SCP2: variants seen among roughly 807,000 people sequenced by gnomAD.
The protein encoded by SCP2 is sterol carrier protein 2.
In SCP2, 48 loss-of-function variants were observed where a neutral mutation model predicts 71.4. That is an observed-to-expected ratio of 0.67 (90% confidence interval 0.53 to 0.86). The LOEUF is 0.86. Among genes scored for constraint, SCP2 ranks in the 40% least tolerant of loss-of-function variants. SCP2 has a pLI of 0.00. For synonymous variants in SCP2, 220 were observed against 218.1 expected (o/e 1.01, Z -0.08); for missense variants, 560 against 655.6 (o/e 0.85, Z 1.59).
In SCP2 at chr1:52,948,804, T is replaced by A. The variant is rs146368935; in HGVS notation, c.199+724T>A. 1.6e-3 allele frequency among the ~76,000 whole-genome samples: 240 copies of A among 152,276 alleles called. 1 individual carries two copies. Among genetic ancestry groups the A allele is most frequent in the African/African-American group, 5.6e-3 (234 of 41,574 alleles). On this transcript the variant is annotated intron_variant, in intron 3 of 15. Transcript: ENST00000371514. ...AAAATAAGATGATTTATGTATATAT[T>A]GTATAATAATTGCCACAATCCAGTT...
intron 9 of SCP2, 75 bp from the exon 10 acceptor site, chr1:52,980,321 C>T: frequency 7.4e-7 from 1 of 1,353,244 alleles, no homozygotes; most frequent in Non-Finnish European, 1.0e-6. Context: ...GGTTATGCAT[C>T]TATTAATCTC....
At chr1:52,940,924 A>G (rs1239997295) in intron 1 of SCP2, among the ~76,000 whole-genome samples, 12 of 152,128 alleles carry the variant, frequency 7.9e-5, no homozygotes, top group Admixed American at 2.0e-4. Context: ...TAATTTTTGT[A>G]TTTTTAGTAG....
Position 53,038,914 on chromosome 1 carries a change from C to T in SCP2, c.1339-3C>T, listed in dbSNP as rs767419808. 2 of 1,613,650 alleles carry T rather than the reference C, an allele frequency of 1.2e-6. No homozygotes were observed. Among genetic ancestry groups the T allele is most frequent in the African/African-American group, 2.7e-5 (2 of 74,854 alleles). On this transcript the variant is annotated splice_region_variant and splice_polypyrimidine_tract_variant and intron_variant, in intron 13 of 15. Transcript: ENST00000371514. Reference sequence around the variant, plus strand: ...GTAACCCCAGTGTTATTTTTCTTTCCAGGAAGGGGAACAGTTTGTGAAGAA... The same window carrying T: ...GTAACCCCAGTGTTATTTTTCTTTCTAGGAAGGGGAACAGTTTGTGAAGAA...
At chr1:52,968,755 G>A (rs1358353806) in intron 6 of SCP2, among the ~76,000 whole-genome samples, 4 of 152,114 alleles carry the variant, frequency 2.6e-5, no homozygotes, top group Non-Finnish European at 5.9e-5. Flanking sequence ...TTGAACAACA[G>A]GGGGTTTAGT....
intron 13 of SCP2, among the ~76,000 whole-genome samples, chr1:53,036,478 C>T (rs1400290081): frequency 4.7e-5 from 7 of 149,562 alleles, no homozygotes; most frequent in Middle Eastern, 7.2e-3. Flanking sequence ...GGTTTGAATT[C>T]TTGCTCTTCC....
At chr1:52,995,271 C>T in intron 11 of SCP2, 1 of 488,390 alleles carries the variant, frequency 2.0e-6, no homozygotes, top group Admixed American at 2.3e-5. Context: ...ACAACATCAC[C>T]CTCTCCATCC....
intron 13 of SCP2, among the ~76,000 whole-genome samples, chr1:53,028,534 A>AT (rs1429228956): frequency 6.6e-6 from 1 of 151,776 alleles, no homozygotes; most frequent in African/African-American, 2.4e-5. Context: ...TAGTTAAAAA[A>AT]TTTTTTTGTT....
At chr1:53,035,429 G>C (rs1246337082) in intron 13 of SCP2, among the ~76,000 whole-genome samples, 1 of 152,114 alleles carries the variant, frequency 6.6e-6, no homozygotes, top group Admixed American at 6.5e-5. Flanking sequence ...GGACATTAAA[G>C]AAAAGGTGAA....
chr1:52,995,532 A>T (rs965965993), intron 11 of SCP2: 14 of 443,780 alleles, frequency 3.2e-5, no homozygotes, highest in Admixed American at 8.3e-5. Context: ...TTGCCCTCTC[A>T]CCAGCTGTGG....
rs1315312738 is a variant in SCP2 at position 53,028,032 on chromosome 1, A to C, written c.1299A>C (p.Ala433=). ...PTSSASDGFK[A]NLVFKEIEKK... is the part of the protein sequence containing the mutation. ...GCTCTGCAAGTGATGGATTTAAGGC[A>C]AATCTTGTTTTTAAGGAGATTGAGA... is the stretch of plus-strand genomic sequence containing the variant. The change falls in exon 13 of 16, where the codon GCA becomes GCC. Residue 433 remains alanine, a synonymous_variant. Coordinates refer to ENST00000371514, the MANE Select transcript of SCP2 (RefSeq NM_002979.5). The C allele has an allele frequency of 1.2e-6, 2 of 1,610,928 alleles. No individual in the cohort carries two copies. The highest frequency in any genetic ancestry group is 2.7e-5 in the African/African-American group (2 of 74,866).
intron 6 of SCP2, among the ~76,000 whole-genome samples, chr1:52,969,819 TCAAACAAA>T (rs75238032): frequency 2.7e-4 from 40 of 150,156 alleles, no homozygotes; most frequent in African/African-American, 8.1e-4. Context: ...AGACTCCATC[TCAAACAAA>T]CAAACAAACA....
At chr1:53,037,923 CACACACAGAT>C (rs1333370382) in intron 13 of SCP2, among the ~76,000 whole-genome samples, 3,021 of 107,932 alleles carry the variant, frequency 0.028, 62 homozygotes, top group Middle Eastern at 0.039. Flanking sequence ...CACACACACA[CACACACAGAT>C]CCAGATCCTG....
At position 53,050,568 on chromosome 1, in the gene SCP2, CA is replaced by C. The variant is rs747469417; in HGVS notation, c.1549-34del. 16 of 1,360,510 alleles carry C rather than the reference CA, an allele frequency of 1.2e-5. No homozygotes were observed. The Middle Eastern group carries it at 1.6e-3, about 136-fold the overall frequency. The allele number at this position is 1,360,510 out of a possible 1,614,324, so 84.3% of individuals were successfully genotyped here. A position where few individuals can be genotyped will look rare whatever the true frequency, so the allele number is the denominator to read the frequency against. ...TGTAGAAACATCAGCAATCTTAAAA[CA>C]AAAAAACACCAAGTAATGAATTTTC... On this transcript the variant is annotated intron_variant, in intron 15 of 15. Transcript: ENST00000371514.
At chr1:52,950,256 G>C (rs982739570) in intron 3 of SCP2, among the ~76,000 whole-genome samples, 8 of 152,100 alleles carry the variant, frequency 5.3e-5, no homozygotes, top group Non-Finnish European at 1.0e-4. Flanking sequence ...AAGTAGCTGG[G>C]ATTACAGGTG....
chr1:52,996,660 T>C (rs1659955828), intron 11 of SCP2, among the ~76,000 whole-genome samples: 3 of 152,136 alleles, frequency 2.0e-5, no homozygotes, highest in Admixed American at 2.0e-4. Flanking sequence ...ACCTCTCTCA[T>C]ATATTGAATT....
At chr1:52,995,858 C>T (rs1659898256) in intron 11 of SCP2, 2 of 1,288,346 alleles carry the variant, frequency 1.6e-6, no homozygotes, top group East Asian at 4.7e-5. Flanking sequence ...TGCCATGTTC[C>T]CCTGGAAGGC....
chr1:53,003,375 T>C (rs1660439908), intron 11 of SCP2, among the ~76,000 whole-genome samples: 1 of 152,174 alleles, frequency 6.6e-6, no homozygotes. Flanking sequence ...CGCACCTTCA[T>C]ACCTGGCTAA....
chr1:52,973,777 G>C (rs1572116835), intron 6 of SCP2, among the ~76,000 whole-genome samples: 1 of 152,014 alleles, frequency 6.6e-6, no homozygotes, highest in African/African-American at 2.4e-5. Flanking sequence ...AATTTTTGTA[G>C]TTTTACTAGA....
intron 6 of SCP2, among the ~76,000 whole-genome samples, chr1:52,966,729 CAA>C (rs750547811): frequency 9.6e-5 from 10 of 104,518 alleles, no homozygotes; most frequent in African/African-American, 1.7e-4. Context: ...ACTAAAGATA[CAA>C]AAAAAAAAAA....
Sources: gnomAD v4.1 joint callset for allele counts (sites outside exome capture counted in the v4.1 genomes callset) on GRCh38, gnomAD v4.1.1 for gene constraint, MANE v1.5 for transcripts, NCBI Gene and HGNC (gene_info 2026-07-23, HGNC 2026-07-21) for gene names.